Variants in GALNT13 observed in about 807,000 individuals in gnomAD.
GALNT13 encodes the protein polypeptide N-acetylgalactosaminyltransferase 13, also known as UDP-GalNAc:polypeptide N-acetylgalactosaminyltransferase 13.
GALNT13 carries 28 observed loss-of-function variants against 64.2 expected under a neutral mutation model. The ratio of observed to expected loss-of-function variants is 0.44; its 90% CI spans 0.32 to 0.60. GALNT13 has a LOEUF of 0.60. Ranked by LOEUF, GALNT13 falls within the 20% of genes least tolerant of loss-of-function variation. The pLI is 0.05. For synonymous variants in GALNT13, 214 were observed against 224.6 expected, an observed-to-expected ratio of 0.95 and a Z score of 0.42; for missense variants, 577 against 669.8, an observed-to-expected ratio of 0.86 and a Z score of 1.53.
At chr2:154,049,562 A>C (rs767441893) in intron 3 of GALNT13, among the ~76,000 whole-genome samples, 1 of 149,542 alleles carries the variant, frequency 6.7e-6, no homozygotes, top group Non-Finnish European at 1.5e-5. Context: ...GTCAAGAAGC[A>C]TGGGAAGCAA....
the GALNT13 span, among the ~76,000 whole-genome samples, chr2:153,404,648 A>G: frequency 1.3e-5 from 2 of 152,182 alleles, no homozygotes; most frequent in African/African-American, 4.8e-5. Context: ...GGAACAATCA[A>G]TTTTTTGCAA....
chr2:153,364,744 A>G, the GALNT13 span, among the ~76,000 whole-genome samples: 1 of 152,216 alleles, frequency 6.6e-6, no homozygotes, highest in Non-Finnish European at 1.5e-5. Flanking sequence ...GAGGACACAA[A>G]CAAATGGAAA....
chr2:153,191,484 G>A, the GALNT13 span, among the ~76,000 whole-genome samples: 1 of 152,024 alleles, frequency 6.6e-6, no homozygotes, highest in South Asian at 2.1e-4. Flanking sequence ...TTTTGTCAAG[G>A]GCTTTTACAT....
At chr2:153,617,159 A>T in the GALNT13 span, among the ~76,000 whole-genome samples, 3 of 151,920 alleles carry the variant, frequency 2.0e-5, no homozygotes, top group African/African-American at 7.2e-5. Context: ...TAGAGAAAAG[A>T]CTTTCAGCTT....
chr2:153,746,306 A>G, the GALNT13 span, among the ~76,000 whole-genome samples: 9 of 152,118 alleles, frequency 5.9e-5, no homozygotes, highest in African/African-American at 2.2e-4. Context: ...CACTATCCTA[A>G]TTTGTGGTAT....
the GALNT13 span, among the ~76,000 whole-genome samples, chr2:153,366,195 G>C: frequency 1.3e-5 from 2 of 152,064 alleles, no homozygotes; most frequent in African/African-American, 4.8e-5. Context: ...TGTACAATGA[G>C]AACACATGGA....
intron 10 of GALNT13, among the ~76,000 whole-genome samples, chr2:154,400,790 TTCTC>T (rs1422356295): frequency 6.6e-6 from 1 of 152,138 alleles, no homozygotes; most frequent in Non-Finnish European, 1.5e-5. Context: ...CAGCATTAAA[TTCTC>T]TCTTAACTAG....
Position 154,449,446 on chromosome 2 carries a change from AAAAAAT to A in GALNT13, c.1531-964_1531-959del, listed in dbSNP as rs1701766980. ...TGAGCCAAAAAAAAAAAAAAAAAAA[AAAAAAT>A]TTCTTTGCCTTTAATTTTGGTAATT... is the stretch of plus-strand genomic sequence containing the variant. On this transcript the variant is annotated intron_variant, in intron 12 of 12. Coordinates refer to ENST00000392825, the MANE Select transcript of GALNT13 (RefSeq NM_052917.4). Among the ~76,000 whole-genome samples, 4 of 130,206 alleles carry A rather than the reference AAAAAAT, an allele frequency of 3.1e-5. No individual in the cohort carries two copies. In the South Asian group the frequency reaches 7.4e-4, roughly 24 times the overall value. 85.4% of individuals were successfully genotyped at this position (130,206 alleles called of 152,430 possible).
chr2:153,308,225 A>G, the GALNT13 span, among the ~76,000 whole-genome samples: 1 of 152,170 alleles, frequency 6.6e-6, no homozygotes, highest in African/African-American at 2.4e-5. Context: ...GCAAATAAAC[A>G]TTAAAAATAT....
chr2:153,323,952 G>A, the GALNT13 span, among the ~76,000 whole-genome samples: 2 of 152,094 alleles, frequency 1.3e-5, no homozygotes, highest in Non-Finnish European at 2.9e-5. Context: ...TTTTTGCTTA[G>A]GATTGTCTTG....
the GALNT13 span, among the ~76,000 whole-genome samples, chr2:153,093,236 C>CT: frequency 0.28 from 35,965 of 128,704 alleles, 6,056 homozygotes; most frequent in Non-Finnish European, 0.32. Context: ...TTTTTCTTTT[C>CT]TTTTCTTTTT....
chr2:153,625,659 T>C, the GALNT13 span, among the ~76,000 whole-genome samples: 1 of 152,154 alleles, frequency 6.6e-6, no homozygotes, highest in Non-Finnish European at 1.5e-5. Flanking sequence ...TCTTTTCTAT[T>C]ATCCTCCTTG....
intron 4 of GALNT13, among the ~76,000 whole-genome samples, chr2:154,236,402 A>G (rs1397256740): frequency 6.6e-6 from 1 of 152,138 alleles, no homozygotes; most frequent in Non-Finnish European, 1.5e-5. Context: ...AGACACTTTA[A>G]TCAGAATTTC....
intron 2 of GALNT13, among the ~76,000 whole-genome samples, chr2:153,922,966 C>T (rs747438814): frequency 2.0e-5 from 3 of 151,948 alleles, no homozygotes; most frequent in Non-Finnish European, 2.9e-5. Flanking sequence ...GCGGTGTGAT[C>T]TGGGCTCACT....
At chr2:153,181,290 C>A in the GALNT13 span, among the ~76,000 whole-genome samples, 6 of 150,402 alleles carry the variant, frequency 4.0e-5, no homozygotes, top group Non-Finnish European at 8.9e-5. Context: ...GTTTTAAAAT[C>A]TCCATGTGTT....
chr2:154,119,154 A>C (rs886674710), intron 3 of GALNT13, among the ~76,000 whole-genome samples: 4 of 151,542 alleles, frequency 2.6e-5, no homozygotes, highest in African/African-American at 9.7e-5. Flanking sequence ...GTTTGTCTAC[A>C]AAAGTTCTTA....
At chr2:153,826,027 C>A in the GALNT13 span, among the ~76,000 whole-genome samples, 1 of 152,132 alleles carries the variant, frequency 6.6e-6, no homozygotes, top group Non-Finnish European at 1.5e-5. Context: ...AATTCTGATA[C>A]CCTTCTCTAT....
At chr2:153,084,979 T>C in the GALNT13 span, among the ~76,000 whole-genome samples, 2 of 152,298 alleles carry the variant, frequency 1.3e-5, no homozygotes, top group Admixed American at 6.5e-5. Context: ...GAGACTTGAA[T>C]GGCTTTGACC....
intron 9 of GALNT13, among the ~76,000 whole-genome samples, chr2:154,366,549 A>C (rs937750048): frequency 6.6e-6 from 1 of 152,218 alleles, no homozygotes; most frequent in African/African-American, 2.4e-5. Context: ...ACAATGAGTT[A>C]AACTGTTAAA....
Sources: gnomAD v4.1 joint callset for allele counts (sites outside exome capture counted in the v4.1 genomes callset) on GRCh38, gnomAD v4.1.1 for gene constraint, MANE v1.5 for transcripts, NCBI Gene and HGNC (gene_info 2026-07-23, HGNC 2026-07-21) for gene names.